Variants in KIF1B observed in about 807,000 individuals in gnomAD.
KIF1B encodes kinesin family member 1B.
KIF1B carries 76 observed loss-of-function variants against 241.9 expected under a neutral mutation model. The observed-to-expected ratio is 0.31, with a 90% CI of 0.26 to 0.38. KIF1B has a LOEUF of 0.38. Among genes scored for constraint, KIF1B ranks in the 10% least tolerant of loss-of-function variants. KIF1B has a pLI of 1.00. For synonymous variants in KIF1B, 750 were observed against 796.7 expected, an observed-to-expected ratio of 0.94 and a Z score of 0.99; for missense variants, 1,622 against 2,271.4, an observed-to-expected ratio of 0.71 and a Z score of 5.81.
Position 10,305,178 on chromosome 1 carries a change from G to A in KIF1B, c.2115+7932G>A, listed in dbSNP as rs1000838443. The A allele has an allele frequency of 9.6e-6, 10 of 1,046,250 alleles. No individual in the cohort carries two copies. The South Asian group carries it at 1.4e-4, about 14-fold the overall frequency. The allele number at this position is 1,046,250 out of a possible 1,614,324, so 64.8% of individuals were successfully genotyped here. A position where few individuals can be genotyped will look rare whatever the true frequency, so the allele number is the denominator to read the frequency against. On this transcript the variant is annotated intron_variant, in intron 22 of 48. Transcript: ENST00000676179. ...TTCTTTAAATATGATTAGAATTTTC[G>A]TAAGCCAAAACTAAAGGTCTTCAAA...
At chr1:10,328,051 G>A (rs1023117717) in intron 27 of KIF1B, among the ~76,000 whole-genome samples, 3 of 152,144 alleles carry the variant, frequency 2.0e-5, no homozygotes, top group African/African-American at 7.2e-5. Flanking sequence ...TTAGCTGGGT[G>A]TTGTGGTGCA....
chr1:10,365,021 AGAATT>A lies in KIF1B; in HGVS notation c.4367-78_4367-74del. The A allele has an allele frequency of 7.8e-7, 1 of 1,276,118 alleles. No homozygotes were observed. 79.0% of individuals were successfully genotyped at this position (1,276,118 alleles called of 1,614,324 possible). A position where few individuals can be genotyped will look rare whatever the true frequency, so the allele number is the denominator to read the frequency against. ...ACTCCATCTCAAAAAAAAAAAAAAA[AGAATT>A]ATTAATTCGTTTTGACCTAAACTTG... On this transcript the variant is annotated intron_variant, in intron 41 of 48. Transcript: ENST00000676179. This position sits in a 1 kb window ranked among gnomAD's most constrained non-coding sequence, Gnocchi z 4.0.
At chr1:10,231,053 A>G (rs1221389607) in intron 1 of KIF1B, 1 of 152,246 alleles carries the variant, frequency 6.6e-6, no homozygotes, top group Non-Finnish European at 1.5e-5. Flanking sequence ...TCTACTAAAA[A>G]TACAAAAATT....
chr1:10,364,567 T>C (rs1452262304), intron 41 of KIF1B, among the ~76,000 whole-genome samples: 1 of 152,162 alleles, frequency 6.6e-6, no homozygotes, highest in African/African-American at 2.4e-5. Context: ...CATCATAATT[T>C]TATCATTTTC....
intron 25 of KIF1B, 109 bp downstream of exon 25, chr1:10,324,171 C>G: frequency 9.2e-7 from 1 of 1,087,584 alleles, no homozygotes; most frequent in South Asian, 1.3e-5. Flanking sequence ...TTGCTTACTT[C>G]CCTGTACTTT....
In KIF1B at chr1:10,246,600, C is replaced by T. The variant is rs568615642; in HGVS notation, c.107-9647C>T. 1.4e-4 allele frequency among the ~76,000 whole-genome samples: 22 copies of T among 152,180 alleles called. No homozygotes were observed. The South Asian group carries it at 2.3e-3, about 16-fold the overall frequency. ...CTCTACTAAAAATACAGAAATTAGC[C>T]GGGCATGGTGGTGCACGCCCATAGT... On this transcript the variant is annotated intron_variant, in intron 2 of 48. Coordinates refer to ENST00000676179, the MANE Select transcript of KIF1B (RefSeq NM_001365951.3).
At chr1:10,235,100 G>T (rs1166946830) in intron 2 of KIF1B, among the ~76,000 whole-genome samples, 1 of 151,542 alleles carries the variant, frequency 6.6e-6, no homozygotes, top group Non-Finnish European at 1.5e-5. Context: ...ATGTTGGCCA[G>T]GCTGGTCTTG....
chr1:10,275,549 T>C (rs1446938080), intron 11 of KIF1B, 46 bp downstream of exon 11: 1 of 1,065,014 alleles, frequency 9.4e-7, no homozygotes, highest in Non-Finnish European at 1.5e-6. Flanking sequence ...TAACTTTGAT[T>C]ATCTTTTGTG....
At chr1:10,350,452 C>T (rs1032207189) in intron 37 of KIF1B, among the ~76,000 whole-genome samples, 3 of 142,414 alleles carry the variant, frequency 2.1e-5, no homozygotes, top group African/African-American at 5.5e-5. Flanking sequence ...CCCAACTGCT[C>T]GGGAGGCTGA....
chr1:10,363,480 C>T (rs2102347713), intron 41 of KIF1B, 136 bp downstream of exon 41: 2 of 732,220 alleles, frequency 2.7e-6, no homozygotes, highest in East Asian at 5.3e-5. Context: ...TCACCTGAGT[C>T]CAGGAGTTCA....
At chr1:10,338,564 AC>A (rs1205728082) in intron 31 of KIF1B, among the ~76,000 whole-genome samples, 32 of 152,360 alleles carry the variant, frequency 2.1e-4, no homozygotes, top group Admixed American at 1.2e-3. Flanking sequence ...GGCAACTGAT[AC>A]GTTTTATGGA....
At chr1:10,277,654 A>G (rs1649188336) in intron 12 of KIF1B, among the ~76,000 whole-genome samples, 1 of 152,070 alleles carries the variant, frequency 6.6e-6, no homozygotes, top group African/African-American at 2.4e-5. Flanking sequence ...TTTTTTATGT[A>G]TGAGTAGGTT....
intron 11 of KIF1B, among the ~76,000 whole-genome samples, chr1:10,275,716 C>G (rs1381235164): frequency 6.6e-6 from 1 of 152,136 alleles, no homozygotes; most frequent in Non-Finnish European, 1.5e-5. Context: ...TCATTTTCTT[C>G]AGGGCATGAA....
intron 2 of KIF1B, among the ~76,000 whole-genome samples, chr1:10,241,185 C>T (rs1444869571): frequency 6.6e-6 from 1 of 152,094 alleles, no homozygotes; most frequent in African/African-American, 2.4e-5. Flanking sequence ...AATCATGACC[C>T]ACTGCAGCCT....
intron 27 of KIF1B, among the ~76,000 whole-genome samples, chr1:10,329,093 A>G (rs1034782383): frequency 2.6e-5 from 4 of 152,246 alleles, no homozygotes; most frequent in African/African-American, 4.8e-5. Flanking sequence ...AAGTATAGGT[A>G]TAAAGCAATC....
At chr1:10,332,954 G>C (rs1652011231) in intron 27 of KIF1B, among the ~76,000 whole-genome samples, 1 of 151,412 alleles carries the variant, frequency 6.6e-6, no homozygotes, top group African/African-American at 2.4e-5. Flanking sequence ...TAGGACAACA[G>C]GTGCATGCCA....
intron 15 of KIF1B, among the ~76,000 whole-genome samples, chr1:10,290,707 T>A (rs1309271650): frequency 6.6e-6 from 1 of 151,412 alleles, no homozygotes; most frequent in East Asian, 2.0e-4. Context: ...CCGTCTCTAC[T>A]AAAAATACAA....
intron 14 of KIF1B, among the ~76,000 whole-genome samples, chr1:10,281,503 G>A (rs1417248359): frequency 6.6e-6 from 1 of 152,086 alleles, no homozygotes; most frequent in Non-Finnish European, 1.5e-5. Context: ...TTTATACTAG[G>A]AAGCAGGCTT....
intron 11 of KIF1B, among the ~76,000 whole-genome samples, chr1:10,276,113 G>T (rs1450165083): frequency 6.6e-6 from 1 of 151,848 alleles, no homozygotes; most frequent in Admixed American, 6.6e-5. Flanking sequence ...TTGCCATGTT[G>T]GCCAGGCTGG....
Sources: gnomAD v4.1 joint callset for allele counts (sites outside exome capture counted in the v4.1 genomes callset) on GRCh38, gnomAD v4.1.1 for gene constraint, Gnocchi (gnomAD v3.1) non-coding constraint, MANE v1.5 for transcripts, NCBI Gene and HGNC (gene_info 2026-07-23, HGNC 2026-07-21) for gene names.